Variants in CAST observed in about 807,000 individuals in gnomAD.
CAST encodes the protein MIR583 host.
In CAST, 76 loss-of-function variants were observed where a neutral mutation model predicts 119.6. The ratio of observed to expected loss-of-function variants is 0.64; its 90% CI spans 0.53 to 0.77. The LOEUF (loss-of-function observed/expected upper bound fraction) is 0.77. CAST is among the 30% of genes least tolerant of loss of function. The probability of loss-of-function intolerance (pLI) is 0.00; values close to 1 mark genes in which losing one functional copy is unlikely to be tolerated. For missense variants in CAST, 953 were observed against 946.5 expected (o/e 1.01, Z -0.09); for synonymous variants, 319 against 331.6 (o/e 0.96, Z 0.41).
At chr5:96,682,393 C>CCT (rs1382835084) in intron 2 of CAST, among the ~76,000 whole-genome samples, 1 of 152,166 alleles carries the variant, frequency 6.6e-6, no homozygotes, top group Non-Finnish European at 1.5e-5. Flanking sequence ...CCCTTCTTAT[C>CCT]CTCTCTTACC....
At chr5:96,353,937 A>G in the CAST span, among the ~76,000 whole-genome samples, 3 of 152,236 alleles carry the variant, frequency 2.0e-5, no homozygotes, top group African/African-American at 7.2e-5. Context: ...TCCCTGGGGA[A>G]CCTTGACTAA....
At chr5:96,431,950 G>A in the CAST span, 1 of 710,230 alleles carries the variant, frequency 1.4e-6, no homozygotes, top group Admixed American at 2.0e-5. Flanking sequence ...GGTCCCCTCG[G>A]AATCGCTCAG....
At chr5:96,466,632 A>G in the CAST span, among the ~76,000 whole-genome samples, 1 of 152,090 alleles carries the variant, frequency 6.6e-6, no homozygotes, top group African/African-American at 2.4e-5. Context: ...ATATGCTTTC[A>G]TACTTTGCTT....
intron 1 of CAST, among the ~76,000 whole-genome samples, chr5:96,555,924 C>T (rs959743581): frequency 6.6e-6 from 1 of 152,226 alleles, no homozygotes; most frequent in Admixed American, 6.5e-5. Context: ...GACAGACTGC[C>T]TCCTCAAGTG....
the CAST span, among the ~76,000 whole-genome samples, chr5:96,096,882 G>C: frequency 6.6e-6 from 1 of 152,204 alleles, no homozygotes; most frequent in Non-Finnish European, 1.5e-5. Context: ...GCTGGTGAAA[G>C]ATGCTACTCT....
chr5:96,260,532 A>T, the CAST span, among the ~76,000 whole-genome samples: 1 of 152,214 alleles, frequency 6.6e-6, no homozygotes, highest in East Asian at 1.9e-4. Context: ...ATTTTCTGGG[A>T]AATTGTCAGA....
chr5:96,663,807 A>C (rs906842214), intron 1 of CAST, among the ~76,000 whole-genome samples: 6 of 152,266 alleles, frequency 3.9e-5, no homozygotes, highest in Middle Eastern at 3.4e-3. Flanking sequence ...ATTACTTTGG[A>C]TGAGGGACAA....
chr5:96,411,247 C>G, the CAST span, among the ~76,000 whole-genome samples: 3 of 152,242 alleles, frequency 2.0e-5, no homozygotes, highest in Non-Finnish European at 4.4e-5. Context: ...TATGCAGATT[C>G]ATAATCTAGC....
the CAST span, among the ~76,000 whole-genome samples, chr5:96,142,238 C>T: frequency 3.3e-5 from 5 of 152,118 alleles, no homozygotes; most frequent in African/African-American, 4.8e-5. Context: ...GGTGAAACCC[C>T]GTCTCTACTA....
chr5:96,266,422 A>G, the CAST span, among the ~76,000 whole-genome samples: 1 of 152,186 alleles, frequency 6.6e-6, no homozygotes, highest in South Asian at 2.1e-4. Context: ...AGAGAGATAA[A>G]GGCAAAGGGG....
chr5:96,235,664 A>G, the CAST span, among the ~76,000 whole-genome samples: 3 of 152,292 alleles, frequency 2.0e-5, no homozygotes, highest in Admixed American at 1.3e-4. Flanking sequence ...AAGGTCAACT[A>G]TCTTTTCTCT....
the CAST span, chr5:96,392,879 A>T: frequency 1.0e-6 from 1 of 986,990 alleles, no homozygotes. Flanking sequence ...GAAAAAGAAA[A>T]GGTGCCACAA....
intron 1 of CAST, among the ~76,000 whole-genome samples, chr5:96,674,845 T>C (rs1296875362): frequency 6.6e-6 from 1 of 152,208 alleles, no homozygotes; most frequent in Non-Finnish European, 1.5e-5. Flanking sequence ...TGATGAATGT[T>C]TGAGGCGACA....
chr5:96,409,481 G>C, the CAST span, among the ~76,000 whole-genome samples: 14 of 152,186 alleles, frequency 9.2e-5, no homozygotes, highest in Non-Finnish European at 4.4e-5. Flanking sequence ...TTATGTTACT[G>C]AGACTGTCTC....
At chr5:96,156,493 T>C in the CAST span, among the ~76,000 whole-genome samples, 2 of 152,312 alleles carry the variant, frequency 1.3e-5, no homozygotes, top group Middle Eastern at 3.4e-3. Flanking sequence ...GGTGATCCTA[T>C]TTCTTCCACC....
At chr5:96,574,982 G>T (rs779619121) in intron 1 of CAST, among the ~76,000 whole-genome samples, 21 of 152,050 alleles carry the variant, frequency 1.4e-4, no homozygotes, top group Non-Finnish European at 2.1e-4. Flanking sequence ...GAAAGAAATT[G>T]CATTAAACCT....
At chr5:96,471,423 G>C in the CAST span, among the ~76,000 whole-genome samples, 24 of 152,134 alleles carry the variant, frequency 1.6e-4, no homozygotes, top group Non-Finnish European at 1.3e-4. Flanking sequence ...AAATATTCAT[G>C]CAGGTGTGAT....
intron 3 of CAST, among the ~76,000 whole-genome samples, chr5:96,709,419 A>G (rs1755654841): frequency 6.6e-6 from 1 of 152,234 alleles, no homozygotes; most frequent in Non-Finnish European, 1.5e-5. Flanking sequence ...CAGAGGACTT[A>G]GAATTCCCTC....
At chr5:96,096,697 C>A in the CAST span, among the ~76,000 whole-genome samples, 2 of 152,172 alleles carry the variant, frequency 1.3e-5, no homozygotes, top group Non-Finnish European at 2.9e-5. Flanking sequence ...CAGTTTAAGA[C>A]CCTTTCCATT....
Sources: allele counts gnomAD v4.1 joint callset (sites outside exome capture counted in the v4.1 genomes callset), GRCh38; gene constraint gnomAD v4.1.1; transcripts MANE v1.5; gene names NCBI Gene and HGNC (gene_info 2026-07-23, HGNC 2026-07-21).